DHX30: variants seen among roughly 807,000 people sequenced by gnomAD.
The protein encoded by DHX30 is DExH-box helicase 30, also known as ATP-dependent RNA helicase DHX30.
DHX30 carries 4 observed loss-of-function variants against 116.9 expected under a neutral mutation model. That is an observed-to-expected ratio of 0.03 (90% CI 0.02 to 0.08). DHX30 has a LOEUF of 0.08. Ranked by LOEUF, DHX30 falls within the 10% of genes least tolerant of loss-of-function variation. The pLI, the probability that DHX30 is intolerant of heterozygous loss-of-function variation, is 1.00. For missense variants in DHX30, 871 were observed against 1,595.1 expected, an observed-to-expected ratio of 0.55 and a Z score of 7.73; for synonymous variants, 697 against 651.7, an observed-to-expected ratio of 1.07 and a Z score of -1.06.
chr3:47,821,283 T>C (rs2036288484), intron 4 of DHX30, among the ~76,000 whole-genome samples: 2 of 151,754 alleles, frequency 1.3e-5, no homozygotes, highest in South Asian at 4.2e-4. Context: ...TTTTCTTTTT[T>C]TGATGGAGTT....
intron 5 of DHX30, among the ~76,000 whole-genome samples, 178 bp from the exon 6 acceptor site, chr3:47,828,846 C>T (rs2036671531): frequency 6.6e-6 from 1 of 152,024 alleles, no homozygotes; most frequent in African/African-American, 2.4e-5. Context: ...CAGTTAGAGC[C>T]TTATAAGGAG....
At chr3:47,845,000 C>T (rs1386864225) in intron 9 of DHX30, among the ~76,000 whole-genome samples, 1 of 151,918 alleles carries the variant, frequency 6.6e-6, no homozygotes, top group African/African-American at 2.4e-5. Context: ...CTGTGGGGTG[C>T]GTTCTAGCAT....
chr3:47,813,730 C>T (rs1180483975), intron 3 of DHX30, among the ~76,000 whole-genome samples: 2 of 152,082 alleles, frequency 1.3e-5, no homozygotes, highest in African/African-American at 2.4e-5. Context: ...CCTGGGAAAC[C>T]CCTGGCCAAG....
chr3:47,809,454 A>G (rs1419967580), intron 2 of DHX30, among the ~76,000 whole-genome samples: 1 of 151,168 alleles, frequency 6.6e-6, no homozygotes, highest in Non-Finnish European at 1.5e-5. Context: ...CCGTGTTAGC[A>G]AGGATGGTCT....
chr3:47,844,380 C>G (rs931978053), intron 9 of DHX30, among the ~76,000 whole-genome samples: 2 of 152,218 alleles, frequency 1.3e-5, no homozygotes, highest in African/African-American at 4.8e-5. Flanking sequence ...GATGCACACG[C>G]ACTGTGAGCA....
intron 4 of DHX30, among the ~76,000 whole-genome samples, chr3:47,826,702 T>C (rs2036570501): frequency 3.4e-5 from 5 of 146,940 alleles, no homozygotes; most frequent in Admixed American, 3.3e-4. Context: ...TCCACCCGCC[T>C]TGGCCTCCCA....
At chr3:47,838,232 A>G (rs375634306) in intron 6 of DHX30, among the ~76,000 whole-genome samples, 36 of 152,308 alleles carry the variant, frequency 2.4e-4, no homozygotes, top group African/African-American at 8.7e-4. Context: ...CTGTCCCATA[A>G]TCCTGCGGTT....
At chr3:47,837,559 G>A (rs1183823700) in intron 6 of DHX30, among the ~76,000 whole-genome samples, 3 of 152,146 alleles carry the variant, frequency 2.0e-5, no homozygotes, top group Non-Finnish European at 4.4e-5. Context: ...TCAGGAGCTC[G>A]AGAGCAGCCT....
intron 4 of DHX30, among the ~76,000 whole-genome samples, chr3:47,822,973 G>T (rs767044100): frequency 9.5e-4 from 144 of 151,436 alleles, no homozygotes; most frequent in Middle Eastern, 3.4e-3. Context: ...GGCACCTGTA[G>T]TCCCAGCTAC....
At chr3:47,816,031 T>A in intron 3 of DHX30, 1 of 985,242 alleles carries the variant, frequency 1.0e-6, no homozygotes, top group Non-Finnish European at 1.2e-6. Flanking sequence ...ATTTCCAACC[T>A]TAGCTTCAAG....
chr3:47,808,337 C>T (rs2035628006), intron 2 of DHX30, among the ~76,000 whole-genome samples: 1 of 151,968 alleles, frequency 6.6e-6, no homozygotes, highest in African/African-American at 2.4e-5. Flanking sequence ...CTGCCTCAGC[C>T]TCCTGAGTAG....
intron 3 of DHX30, 42 bp from the exon 4 acceptor site, chr3:47,817,980 G>A (rs1366528462): frequency 2.6e-6 from 2 of 780,824 alleles, no homozygotes; most frequent in African/African-American, 3.4e-5. Context: ...TGACTGTGAG[G>A]GGTGAGAACA....
chr3:47,834,005 C>T (rs1020029930), intron 6 of DHX30, among the ~76,000 whole-genome samples: 2 of 152,144 alleles, frequency 1.3e-5, no homozygotes, highest in African/African-American at 4.8e-5. Flanking sequence ...TACATCTCCC[C>T]ATTTCTCTTT....
chr3:47,817,968 T>C (rs1245419659), intron 3 of DHX30, 54 bp from the exon 4 acceptor site: 2 of 780,678 alleles, frequency 2.6e-6, no homozygotes, highest in African/African-American at 3.4e-5. Context: ...TTCAGGGGTC[T>C]GTGACTGTGA....
At position 47,848,142 on chromosome 3, in the gene DHX30, G is replaced by A. The variant is rs749040615; in HGVS notation, c.2287-38G>A. 4.3e-6 allele frequency: 7 copies of A among 1,610,606 alleles called. No homozygotes were observed. In the South Asian group the frequency reaches 7.7e-5, roughly 18 times the overall value. ...CAGGGAGTGGGGAAGCACTGAGGAAGTGGCATTTGTGTGCTGCTTACTTGC... is the reference window on the plus strand; with the variant it reads ...CAGGGAGTGGGGAAGCACTGAGGAAATGGCATTTGTGTGCTGCTTACTTGC... On this transcript the variant is annotated intron_variant, in intron 14 of 21. Coordinates refer to ENST00000445061, the MANE Select transcript of DHX30 (RefSeq NM_138615.3). This position sits in a 1 kb window ranked among gnomAD's most constrained non-coding sequence, Gnocchi z 9.4.
intron 6 of DHX30, among the ~76,000 whole-genome samples, chr3:47,832,702 T>C (rs1209062737): frequency 6.6e-6 from 1 of 151,664 alleles, no homozygotes; most frequent in Non-Finnish European, 1.5e-5. Context: ...AGTGGCGCAG[T>C]CTCAGCTCAC....
At chr3:47,849,790 C>G in intron 21 of DHX30, 21 bp downstream of exon 21, 1 of 1,608,288 alleles carries the variant, frequency 6.2e-7, no homozygotes. Flanking sequence ...GCAGGCCTCC[C>G]GCCCACCCCG....
In DHX30 at chr3:47,845,916, G is replaced by A. The variant is rs542138275; in HGVS notation, c.1092+64G>A. The A allele has an allele frequency of 2.3e-4, 354 of 1,540,624 alleles. No individual in the cohort carries two copies. In the African/African-American group the frequency reaches 4.4e-3, roughly 19 times the overall value. On this transcript the variant is annotated intron_variant, in intron 10 of 21. Coordinates refer to ENST00000445061, the MANE Select transcript of DHX30 (RefSeq NM_138615.3). ...TAGTCTGCCTCCATCTCTCCAGACT[G>A]AAGGCCTCCACCTGCGACAGGCAGT...
rs372368543 is a variant in DHX30, at chr3:47,847,543, G to C, written c.2110+7G>C. 1.5e-5 allele frequency: 24 copies of C among 1,593,532 alleles called. No individual in the cohort carries two copies. The highest frequency in any genetic ancestry group is 2.3e-5 in the East Asian group (1 of 43,844). The stretch of plus-strand genomic sequence containing the variant: ...AAGTACCTCATCCTGCCAGGTGAGA[G>C]CCCCGGCGGAGGGACCAGGGACCTT... On this transcript the variant is annotated splice_region_variant and intron_variant, in intron 13 of 21. Coordinates refer to ENST00000445061, the MANE Select transcript of DHX30 (RefSeq NM_138615.3). The surrounding 1 kb of genome is among the most constrained non-coding windows in gnomAD (Gnocchi z 5.5).
Sources: gnomAD v4.1 joint callset for allele counts (sites outside exome capture counted in the v4.1 genomes callset) on GRCh38, gnomAD v4.1.1 for gene constraint, Gnocchi (gnomAD v3.1) non-coding constraint, MANE v1.5 for transcripts, NCBI Gene and HGNC (gene_info 2026-07-23, HGNC 2026-07-21) for gene names.